Variants in NAV2 observed in about 807,000 individuals in gnomAD.
NAV2 encodes neuron navigator 2.
NAV2 carries 54 observed loss-of-function variants against 223.2 expected under a neutral mutation model. The observed-to-expected ratio is 0.24, with a 90% CI of 0.19 to 0.30. The LOEUF is 0.30. NAV2 is among the 10% of genes least tolerant of loss of function. The pLI, the probability that NAV2 is intolerant of heterozygous loss-of-function variation, is 1.00. For synonymous variants in NAV2, 1,279 were observed against 1,239.3 expected (o/e 1.03, Z -0.67); for missense variants, 2,806 against 3,147.5 (o/e 0.89, Z 2.60).
intron 1 of NAV2, among the ~76,000 whole-genome samples, chr11:19,577,201 C>T (rs2045594738): frequency 6.6e-6 from 1 of 152,258 alleles, no homozygotes; most frequent in Admixed American, 6.5e-5. Context: ...AACTGAGGCT[C>T]AGAGAAGTTA....
intron 1 of NAV2, among the ~76,000 whole-genome samples, chr11:19,804,467 G>A (rs1156357206): frequency 1.3e-5 from 2 of 152,166 alleles, no homozygotes; most frequent in African/African-American, 4.8e-5. Context: ...GAGAAGGTCA[G>A]TTATCAGTGG....
At chr11:19,572,089 C>G (rs529182104) in intron 1 of NAV2, among the ~76,000 whole-genome samples, 1 of 152,334 alleles carries the variant, frequency 6.6e-6, no homozygotes, top group East Asian at 1.9e-4. Flanking sequence ...CACAGGGGTG[C>G]AGATGGGAAG....
At chr11:19,476,109 G>A (rs1217636651) in intron 1 of NAV2, among the ~76,000 whole-genome samples, 1 of 152,110 alleles carries the variant, frequency 6.6e-6, no homozygotes, top group African/African-American at 2.4e-5. Flanking sequence ...CGAGTAGCTG[G>A]GACTACAGGC....
At position 20,118,411 on chromosome 11, in the gene NAV2, G is replaced by A. The variant is rs1423528283; in HGVS notation, c.*153G>A. 2.6e-5 allele frequency: 22 copies of A among 840,404 alleles called. No individual in the cohort carries two copies. In the East Asian group the frequency reaches 5.4e-4, roughly 21 times the overall value. The allele number at this position is 840,404 out of a possible 1,614,324, so 52.1% of individuals were successfully genotyped here. A position where few individuals can be genotyped will look rare whatever the true frequency, so the allele number is the denominator to read the frequency against. ...ACCCCCCGTCCTTCAGCCTCGACCT[G>A]GGTGCAGGCATCCCGGGCCAGCTGC... On this transcript the variant is annotated 3_prime_UTR_variant, in exon 38 of 38. Coordinates refer to ENST00000349880, the MANE Select transcript of NAV2 (RefSeq NM_145117.5).
chr11:19,778,885 A>G lies in NAV2; in HGVS notation c.268-53599A>G, dbSNP rs552874267. On this transcript the variant is annotated intron_variant, in intron 1 of 37. Transcript: ENST00000349880. ...CTGAGATGCCACTCTAACAGGCAGC[A>G]TAGGAAAGCTGGGTCCCGATCTGAA... Among the ~76,000 whole-genome samples, 62 of 152,332 alleles carry G rather than the reference A, an allele frequency of 4.1e-4. No individual in the cohort carries two copies. The South Asian group carries it at 0.012, about 30-fold the overall frequency.
At chr11:20,053,448 A>G (rs962571811) in intron 17 of NAV2, among the ~76,000 whole-genome samples, 1 of 152,202 alleles carries the variant, frequency 6.6e-6, no homozygotes, top group Non-Finnish European at 1.5e-5. Context: ...AGCACATTGC[A>G]GATGTTCAAT....
Position 19,446,393 on chromosome 11 carries a change from G to C in NAV2, c.75+95366G>C, listed in dbSNP as rs140173607. Among the ~76,000 whole-genome samples the C allele has an allele frequency of 6.6e-3, 1,004 of 152,156 alleles. 12 individuals carry two copies. The highest frequency in any genetic ancestry group is 0.023 in the African/African-American group (950 of 41,500). On this transcript the variant is annotated intron_variant, in intron 1 of 37. Transcript: ENST00000360655. ...CTTCCTTCCCTCCCAGTTCCTTTTA[G>C]TATATGTTCTGTGACATTAACCAAG...
intron 11 of NAV2, among the ~76,000 whole-genome samples, chr11:20,000,051 G>A (rs2153482602): frequency 6.6e-6 from 1 of 152,278 alleles, no homozygotes; most frequent in South Asian, 2.1e-4. Flanking sequence ...TGCTTTGGGA[G>A]GTCTCACTCA....
intron 22 of NAV2, among the ~76,000 whole-genome samples, chr11:20,070,222 T>G (rs1026162126): frequency 1.3e-5 from 2 of 152,070 alleles, no homozygotes; most frequent in Non-Finnish European, 2.9e-5. Flanking sequence ...TGTGTAGATT[T>G]GAATCCAGAA....
chr11:19,996,601 A>G (rs1213354162), intron 11 of NAV2, among the ~76,000 whole-genome samples: 1 of 152,210 alleles, frequency 6.6e-6, no homozygotes, highest in African/African-American at 2.4e-5. Context: ...TTCCCCTGTC[A>G]TGTTGATCAC....
chr11:19,394,153 G>A (rs957075063), intron 1 of NAV2, among the ~76,000 whole-genome samples: 2 of 152,148 alleles, frequency 1.3e-5, no homozygotes, highest in Non-Finnish European at 2.9e-5. Flanking sequence ...TTGCATCATA[G>A]CCAGGAAAGT....
At chr11:20,101,303 A>G (rs1409141451) in intron 32 of NAV2, 131 bp downstream of exon 32, 14 of 690,974 alleles carry the variant, frequency 2.0e-5, no homozygotes, top group Non-Finnish European at 2.7e-5. Context: ...CAAGTGAAAG[A>G]GGTCCAGAGG....
chr11:19,777,980 C>G lies in NAV2; in HGVS notation c.268-54504C>G, dbSNP rs534966561. The G allele has an allele frequency of 1.2e-3, 560 of 455,914 alleles. 10 individuals carry two copies. The highest frequency in any genetic ancestry group is 8.5e-3 in the South Asian group (548 of 64,536). 28.2% of individuals were successfully genotyped at this position (455,914 alleles called of 1,614,324 possible). On this transcript the variant is annotated intron_variant, in intron 1 of 37. Coordinates refer to ENST00000349880, the MANE Select transcript of NAV2 (RefSeq NM_145117.5). ...TTGTCTGTGGGGAATACATGAGCCC[C>G]GAGTGAGTGAGTATGCACCGGGTCC...
chr11:19,393,895 G>GTTTTTTTTTTTTTTTT, intron 1 of NAV2, among the ~76,000 whole-genome samples: 1 of 136,232 alleles, frequency 7.3e-6, no homozygotes, highest in Non-Finnish European at 1.6e-5. Flanking sequence ...TAACTTAAGG[G>GTTTTTTTTTTTTTTTT]TTTTTTTTTT....
chr11:19,809,198 C>G (rs1238838602), intron 1 of NAV2, among the ~76,000 whole-genome samples: 1 of 152,196 alleles, frequency 6.6e-6, no homozygotes, highest in Non-Finnish European at 1.5e-5. Context: ...GGAAGAATTT[C>G]TTGTGCATAA....
At position 19,859,078 on chromosome 11, in the gene NAV2, C is replaced by A. The variant is rs190577703; in HGVS notation, c.439-9847C>A. Among the ~76,000 whole-genome samples, 54 of 149,288 alleles carry A rather than the reference C, an allele frequency of 3.6e-4. No individual in the cohort carries two copies. In the East Asian group the frequency reaches 0.01, roughly 29 times the overall value. On this transcript the variant is annotated intron_variant, in intron 3 of 37. Transcript: ENST00000349880. Reference sequence around the variant, plus strand: ...AAGCAGTTAATAATTTTCTTAGAGTCTTGTGGGCATCTGTCAGGGAGCCAG... The same window carrying A: ...AAGCAGTTAATAATTTTCTTAGAGTATTGTGGGCATCTGTCAGGGAGCCAG...
chr11:20,101,531 T>C lies in NAV2; in HGVS notation c.6417+359T>C, dbSNP rs1225742696. 2.6e-5 allele frequency among the ~76,000 whole-genome samples: 4 copies of C among 152,136 alleles called. No individual in the cohort carries two copies. The East Asian group carries it at 7.7e-4, about 29-fold the overall frequency. ...ACAAAAATAACAATAATAAAAATAA[T>C]AGAAGCCCACATTTATAGACTGTTT... On this transcript the variant is annotated intron_variant, in intron 32 of 37. Coordinates refer to ENST00000349880, the MANE Select transcript of NAV2 (RefSeq NM_145117.5).
chr11:19,493,130 T>C (rs1564983650), intron 1 of NAV2, among the ~76,000 whole-genome samples: 2 of 152,186 alleles, frequency 1.3e-5, no homozygotes, highest in Non-Finnish European at 2.9e-5. Flanking sequence ...GGTTAATCAC[T>C]GGGTGGAGGC....
At chr11:19,593,419 G>T (rs1009430739) in intron 1 of NAV2, among the ~76,000 whole-genome samples, 1 of 152,132 alleles carries the variant, frequency 6.6e-6, no homozygotes, top group Non-Finnish European at 1.5e-5. Flanking sequence ...ATACATGACT[G>T]ACTGACAGAC....
Sources: allele counts gnomAD v4.1 joint callset (sites outside exome capture counted in the v4.1 genomes callset), GRCh38; gene constraint gnomAD v4.1.1; transcripts MANE v1.5; gene names NCBI Gene and HGNC (gene_info 2026-07-23, HGNC 2026-07-21).